Variants in EFEMP2 observed in about 807,000 individuals in gnomAD.
The protein encoded by EFEMP2 is EGF-containing fibulin-like extracellular matrix protein 2.
EFEMP2 carries 21 observed loss-of-function variants against 55.3 expected under a neutral mutation model. The ratio of observed to expected loss-of-function variants is 0.38; its 90% CI spans 0.27 to 0.55. The LOEUF (loss-of-function observed/expected upper bound fraction) is 0.55, where lower values mean the gene tolerates loss of function less well. Ranked by LOEUF, EFEMP2 falls within the 20% of genes least tolerant of loss-of-function variation. The probability of loss-of-function intolerance (pLI) is 0.77; values close to 1 mark genes in which losing one functional copy is unlikely to be tolerated. For synonymous variants in EFEMP2, 275 were observed against 242.3 expected (o/e 1.14, Z -1.25); for missense variants, 513 against 615.1 (o/e 0.83, Z 1.76).
chr11:65,867,960 G>A lies in EFEMP2; in HGVS notation c.1071C>T (p.Pro357=), dbSNP rs746751497. The A allele has an allele frequency of 8.7e-6, 14 of 1,613,998 alleles. No individual in the cohort carries two copies. The South Asian group carries it at 1.1e-4, about 13-fold the overall frequency. Residue 357 remains proline (P), a synonymous_variant, in exon 10 of 11, where the codon CCC becomes CCT. Transcript: ENST00000307998. ...YMTITSERSV[P]ADVFQIQATS... is the part of the protein sequence containing the mutation. Reference sequence around the variant, plus strand: ...TCGCCTGGATCTGGAACACGTCAGCGGGCACGCTCCGCTCCGAGGTGATGG... The same window carrying A: ...TCGCCTGGATCTGGAACACGTCAGCAGGCACGCTCCGCTCCGAGGTGATGG...
chr11:65,867,743 CGGGGGCGGGGCTTTGGGGGA>C, intron 10 of EFEMP2, 98 bp downstream of exon 10: 1 of 1,149,440 alleles, frequency 8.7e-7, no homozygotes, highest in Non-Finnish European at 1.3e-6. Context: ...ACCCCGCCTC[CGGGGGCGGGGCTTTGGGGGA>C]GGGGTGGGGC....
chr11:65,872,058 TCTC>T (rs761470177), intron 2 of EFEMP2, 40 bp from the exon 3 acceptor site: 3 of 1,550,930 alleles, frequency 1.9e-6, no homozygotes, highest in African/African-American at 1.4e-5. Context: ...CACCCTAAGA[TCTC>T]CTCCAACTGG....
intron 3 of EFEMP2, 41 bp downstream of exon 3, chr11:65,871,929 T>C: frequency 1.3e-6 from 2 of 1,551,068 alleles, no homozygotes; most frequent in Non-Finnish European, 8.7e-7. Flanking sequence ...TCAATCCCTT[T>C]CCGGGTTCCT....
chr11:65,870,079 TC>T, intron 6 of EFEMP2, 41 bp downstream of exon 6: 1 of 1,612,786 alleles, frequency 6.2e-7, no homozygotes, highest in Admixed American at 1.7e-5. Flanking sequence ...ACCTCACACC[TC>T]CCTGCCCAGG....
chr11:65,869,058 G>A, intron 7 of EFEMP2: 1 of 291,262 alleles, frequency 3.4e-6, no homozygotes, highest in Non-Finnish European at 6.7e-6. Context: ...AGCTTCACAG[G>A]CAGAACATTT....
chr11:65,870,655 A>G lies in EFEMP2; in HGVS notation c.371T>C (p.Val124Ala), dbSNP rs758822300. The G allele has an allele frequency of 6.2e-7, 1 of 1,613,898 alleles. No individual in the cohort carries two copies. Among genetic ancestry groups the G allele is most frequent in the Non-Finnish European group, 8.5e-7 (1 of 1,180,018 alleles). The change falls in exon 5 of 11, where the codon GTG becomes GCG. Residue 124 changes from valine to alanine, a missense_variant. Val to Ala is a moderately conservative substitution (Grantham distance 64). Transcript: ENST00000307998. ...EPDDQDSCVD[V>A]DECAQALHDC... ...GTGCAGGGCCTGGGCACACTCGTCCACATCTGCGAGAGACACCACTCAGCC... is the reference window on the plus strand; with the variant it reads ...GTGCAGGGCCTGGGCACACTCGTCCGCATCTGCGAGAGACACCACTCAGCC...
intron 3 of EFEMP2, 30 bp downstream of exon 3, chr11:65,871,939 TG>T: frequency 6.4e-7 from 1 of 1,551,290 alleles, no homozygotes; most frequent in Middle Eastern, 1.7e-4. Flanking sequence ...TCCGGGTTCC[TG>T]GGGGTGTTTG....
chr11:65,872,390 CCT>C lies in EFEMP2; in HGVS notation c.-7-31_-7-30del, dbSNP rs1565275040. On this transcript the variant is annotated intron_variant, in intron 1 of 10. Coordinates refer to ENST00000307998, the MANE Select transcript of EFEMP2 (RefSeq NM_016938.5). ...CGAGATGGTGGACACGGGTCAGGGG[CCT>C]CTGCCCGCGGCACCTCAACTCCCTG... 2.7e-6 allele frequency: 4 copies of C among 1,473,218 alleles called. No individual in the cohort carries two copies. In the East Asian group the frequency reaches 9.9e-5, roughly 36 times the overall value. The allele number at this position is 1,473,218 out of a possible 1,614,324, so 91.3% of individuals were successfully genotyped here.
intron 10 of EFEMP2, 104 bp downstream of exon 10, chr11:65,867,757 T>C (rs1859881969): frequency 1.5e-6 from 2 of 1,303,344 alleles, no homozygotes; most frequent in East Asian, 4.7e-5. Flanking sequence ...GGCGGGGCTT[T>C]GGGGGAGGGG....
rs1260193001 is a variant in EFEMP2 at position 65,866,945 on chromosome 11, G to C, written c.1305C>G (p.Thr435=). The C allele has an allele frequency of 3.7e-6, 6 of 1,614,158 alleles. No individual in the cohort carries two copies. The highest frequency in any genetic ancestry group is 5.1e-6 in the Non-Finnish European group (6 of 1,180,028). ...AGAAGGTGTAGGCCCCTACAAAGAC[G>C]GTGAGCCTCAGTACAGAGCTGGCCC... ...SYRASSVLRL[T]VFVGAYTF is the part of the protein sequence containing the mutation. The change falls in exon 11 of 11, where the codon ACC becomes ACG. Residue 435 remains threonine, a synonymous_variant. Transcript: ENST00000307998.
Position 65,869,981 on chromosome 11 carries a change from G to C in EFEMP2, c.608-5C>G. On this transcript the variant is annotated splice_region_variant and splice_polypyrimidine_tract_variant and intron_variant, in intron 6 of 10. Coordinates refer to ENST00000307998, the MANE Select transcript of EFEMP2 (RefSeq NM_016938.5). ...CCATGTCACACTCGTTCACATCTGG[G>C]GGTGCCAGGAAAAACAGGAGGGATG... is the stretch of plus-strand genomic sequence containing the variant. 6.2e-7 allele frequency: 1 copy of C among 1,613,772 alleles called. No homozygotes were observed. Among genetic ancestry groups the C allele is most frequent in the Non-Finnish European group, 8.5e-7 (1 of 1,179,914 alleles).
Position 65,871,997 on chromosome 11 carries a change from A to T in EFEMP2, c.133T>A (p.Trp45Arg). 1 of 1,551,410 alleles carries T rather than the reference A, an allele frequency of 6.4e-7. No homozygotes were observed. The highest frequency in any genetic ancestry group is 2.4e-5 in the East Asian group (1 of 40,896). Reference protein sequence around the residue: ...SYTECTDGYEWDPDSQHCRDV... With the variant: ...SYTECTDGYERDPDSQHCRDV... ...CGGCAGTGCTGGCTGTCTGGGTCCC[A>T]CTCATAGCCATCTGTGCATTCCTGG... The change falls in exon 3 of 11, where the codon TGG becomes AGG. Residue 45 changes from tryptophan (W) to arginine (R), a missense_variant. By Grantham distance (101) the Trp-to-Arg change is moderately radical. Coordinates refer to ENST00000307998, the MANE Select transcript of EFEMP2 (RefSeq NM_016938.5).
At chr11:65,872,484 C>T in intron 1 of EFEMP2, 123 bp from the exon 2 acceptor site, 1 of 684,148 alleles carries the variant, frequency 1.5e-6, no homozygotes, top group Non-Finnish European at 2.5e-6. Flanking sequence ...TCGGGGCCTC[C>T]CAGGGCTGGG....
chr11:65,868,685 C>A, intron 7 of EFEMP2, 56 bp from the exon 8 acceptor site: 1 of 1,610,110 alleles, frequency 6.2e-7, no homozygotes, highest in South Asian at 1.1e-5. Context: ...ACCATTCAGT[C>A]CCACAAACAT....
rs962143690 is a variant in EFEMP2 at position 65,869,755 on chromosome 11, A to T, written c.727+102T>A. On this transcript the variant is annotated intron_variant, in intron 7 of 10. Transcript: ENST00000307998. ...AGGAGGCAGCTGGGTGCACAGTGAC[A>T]GGAGGCGGAGGCCTCAAATGGAGAA... The T allele has an allele frequency of 9.8e-5, 153 of 1,555,120 alleles. No individual in the cohort carries two copies. In the African/African-American group the frequency reaches 1.9e-3, roughly 19 times the overall value.
Position 65,870,948 on chromosome 11 carries a change from G to C in EFEMP2, c.367+209C>G, listed in dbSNP as rs1859954576. On this transcript the variant is annotated intron_variant, in intron 4 of 10. Transcript: ENST00000307998. ...AAGGCAGACTTCCTGCAGTGTCTCT[G>C]CAGCAACCGAGGGGAGGGGCCCGGA... The C allele has an allele frequency of 3.4e-5, 25 of 732,294 alleles. No individual in the cohort carries two copies. The South Asian group carries it at 4.2e-4, about 12-fold the overall frequency. The allele number at this position is 732,294 out of a possible 1,614,324, so 45.4% of individuals were successfully genotyped here.
At chr11:65,870,288 G>A in intron 5 of EFEMP2, 51 bp from the exon 6 acceptor site, 1 of 1,574,844 alleles carries the variant, frequency 6.3e-7, no homozygotes, top group South Asian at 1.1e-5. Context: ...GCAGAGGGCA[G>A]GTGGGCTCGA....
Position 65,867,077 on chromosome 11 carries a change from T to C in EFEMP2, c.1173A>G (p.Gln391=). 1.2e-6 allele frequency: 2 copies of C among 1,613,974 alleles called. No individual in the cohort carries two copies. Among genetic ancestry groups the C allele is most frequent in the Non-Finnish European group, 1.7e-6 (2 of 1,179,976 alleles). ...GNSQGDFYIR[Q]INNVSAMLVL... is the part of the protein sequence containing the mutation. ...CCAGCATGGCGCTGACGTTGTTGAT[T>C]TGCTGCAGGGCAGTGGGTGGGGGGA... Residue 391 remains glutamine (Q), a splice_region_variant and synonymous_variant, in exon 11 of 11, where the codon CAA becomes CAG. Transcript: ENST00000307998.
At chr11:65,872,596 C>A (rs982355228) in intron 1 of EFEMP2, 87 bp downstream of exon 1, 1 of 329,284 alleles carries the variant, frequency 3.0e-6, no homozygotes, top group Non-Finnish European at 5.5e-6. Flanking sequence ...GGCCGAGGAG[C>A]GCGGGCCTCT....
Sources: gnomAD v4.1 joint callset for allele counts on GRCh38, gnomAD v4.1.1 for gene constraint, MANE v1.5 for transcripts, NCBI Gene and HGNC (gene_info 2026-07-23, HGNC 2026-07-21) for gene names.